Variants in ZNF254 observed in about 807,000 individuals in gnomAD.
ZNF254 encodes the protein zinc finger protein 254, also known as CTD-2017D11.1.
Under a neutral mutation model 12.4 loss-of-function variants are expected in ZNF254, and 10 were observed. The observed-to-expected ratio is 0.80, with a 90% CI of 0.50 to 1.36. ZNF254 has a LOEUF of 1.36. Among genes scored for constraint, ZNF254 ranks in the 40% most tolerant of loss-of-function variants. The pLI is 0.00. For synonymous variants in ZNF254, 305 were observed against 253.4 expected (o/e 1.20, Z -1.93); for missense variants, 996 against 763.9 (o/e 1.30, Z -3.58).
At chr19:24,050,373 C>G (rs941657357) in intron 2 of ZNF254, among the ~76,000 whole-genome samples, 1 of 151,976 alleles carries the variant, frequency 6.6e-6, no homozygotes, top group South Asian at 2.1e-4. Flanking sequence ...TTGGCCAGGC[C>G]GATATCAAAC....
intron 1 of ZNF254, among the ~76,000 whole-genome samples, chr19:24,091,374 AAAC>A (rs1294217071): frequency 6.6e-6 from 1 of 152,226 alleles, no homozygotes; most frequent in African/African-American, 2.4e-5. Flanking sequence ...CATTTCCACA[AAAC>A]AATGTGATAG....
intron 1 of ZNF254, among the ~76,000 whole-genome samples, chr19:24,103,328 T>G (rs1212737607): frequency 1.3e-5 from 2 of 152,160 alleles, no homozygotes; most frequent in Non-Finnish European, 2.9e-5. Context: ...AGAAGACTTG[T>G]TTAGAACACC....
At chr19:24,093,374 A>T (rs747336857) in intron 1 of ZNF254, among the ~76,000 whole-genome samples, 2 of 152,088 alleles carry the variant, frequency 1.3e-5, no homozygotes, top group Non-Finnish European at 2.9e-5. Context: ...GCTAGATTCT[A>T]TGTCTAGAAT....
intron 3 of ZNF254, among the ~76,000 whole-genome samples, chr19:24,113,481 A>G (rs371580737): frequency 2.6e-5 from 4 of 152,198 alleles, no homozygotes; most frequent in African/African-American, 7.2e-5. Flanking sequence ...ACAAAATTCA[A>G]TGACACTTCA....
chr19:24,105,450 T>C (rs1973280619), intron 1 of ZNF254: 1 of 256,918 alleles, frequency 3.9e-6, no homozygotes, highest in Non-Finnish European at 7.3e-6. Context: ...GCATTACTGG[T>C]GAGCTTGGTA....
intron 1 of ZNF254, among the ~76,000 whole-genome samples, chr19:24,102,229 GTTT>G (rs57684067): frequency 1.1e-4 from 13 of 122,960 alleles, no homozygotes; most frequent in Non-Finnish European, 1.0e-4. Context: ...AACAAAATTT[GTTT>G]TTTTTTTTTT....
At chr19:24,061,179 T>A (rs942180363) in intron 2 of ZNF254, among the ~76,000 whole-genome samples, 1 of 151,110 alleles carries the variant, frequency 6.6e-6, no homozygotes, top group Non-Finnish European at 1.5e-5. Context: ...GTGATTCAAC[T>A]CTCTCACATG....
At chr19:24,100,324 G>A (rs965791218) in intron 1 of ZNF254, among the ~76,000 whole-genome samples, 6 of 149,770 alleles carry the variant, frequency 4.0e-5, no homozygotes, top group African/African-American at 1.5e-4. Context: ...AACAACTGCT[G>A]CTACTCCACC....
intron 3 of ZNF254, among the ~76,000 whole-genome samples, chr19:24,121,900 G>T (rs974479446): frequency 6.6e-6 from 1 of 151,880 alleles, no homozygotes; most frequent in African/African-American, 2.4e-5. Context: ...TGTTGTATAG[G>T]TTTGTTGTGA....
chr19:24,086,465 C>T (rs1051251760), upstream of ZNF254, among the ~76,000 whole-genome samples: 1 of 151,794 alleles, frequency 6.6e-6, no homozygotes. Context: ...GCCACCATGC[C>T]CAGCTAATTT....
intron 1 of ZNF254, among the ~76,000 whole-genome samples, chr19:24,097,745 C>A (rs757252557): frequency 1.3e-5 from 2 of 151,252 alleles, no homozygotes; most frequent in Non-Finnish European, 1.5e-5. Flanking sequence ...CATGTCATTG[C>A]ACTCCACCCT....
At position 24,054,937 on chromosome 19, in the gene ZNF254, G is replaced by C. The variant is rs1970782245; in HGVS notation, c.-94+8658G>C. On this transcript the variant is annotated intron_variant, in intron 2 of 4. Coordinates refer to the ZNF254 transcript ENST00000613065. ...TATAGTGTACTAACCAGGCGCAGTGGCTCACGCCTGTAATCCCAGCACTTT... is the reference window on the plus strand; with the variant it reads ...TATAGTGTACTAACCAGGCGCAGTGCCTCACGCCTGTAATCCCAGCACTTT... Among the ~76,000 whole-genome samples, 5 of 151,984 alleles carry C rather than the reference G, an allele frequency of 3.3e-5. No homozygotes were observed. The South Asian group carries it at 8.3e-4, about 25-fold the overall frequency.
chr19:24,123,617 CACAA>C (rs879485755), intron 3 of ZNF254, among the ~76,000 whole-genome samples: 3 of 152,178 alleles, frequency 2.0e-5, no homozygotes, highest in African/African-American at 4.8e-5. Flanking sequence ...TGCGTGCGTG[CACAA>C]ACACATACAC....
chr19:24,059,138 G>C (rs1970975129), intron 2 of ZNF254, among the ~76,000 whole-genome samples: 1 of 152,180 alleles, frequency 6.6e-6, no homozygotes, highest in African/African-American at 2.4e-5. Context: ...CATGGCCCCA[G>C]CGCCAAGGTG....
rs1332068045 is a variant in ZNF254 at position 24,126,432 on chromosome 19, GTGTT to G, written c.434_437del (p.Cys145SerfsTer15). The stretch of plus-strand genomic sequence containing the variant: ...AAGAAGGTTATAATGGACTTAACCA[GTGTT>G]TCACAACTGCCCAGAGCAAAGTATT... On this transcript the variant is annotated frameshift_variant, in exon 4 of 4. Coordinates refer to ENST00000357002, the MANE Select transcript of ZNF254 (RefSeq NM_203282.4). LOFTEE classifies it low-confidence loss of function (END_TRUNC). The G allele has an allele frequency of 3.1e-6, 5 of 1,599,454 alleles. No individual in the cohort carries two copies. The highest frequency in any genetic ancestry group is 4.3e-6 in the Non-Finnish European group (5 of 1,175,826).
rs748680177 is a variant in ZNF254, at chr19:24,126,264, T to TCA, written c.265_266dup (p.Phe90IlefsTer21). The TCA allele has an allele frequency of 3.0e-5, 45 of 1,484,418 alleles. No homozygotes were observed. In the African/African-American group the frequency reaches 5.8e-4, roughly 19 times the overall value. The allele number at this position is 1,484,418 out of a possible 1,614,324, so 92.0% of individuals were successfully genotyped here. ...TTATTTTTTTTTCAGGTATGTGTCCTCATTTTGCTCAAGACCTTTGGCCAG... is the reference window on the plus strand; with the variant it reads ...TTATTTTTTTTTCAGGTATGTGTCCTCACATTTTGCTCAAGACCTTTGGCCAG... On this transcript the variant is annotated frameshift_variant, in exon 4 of 4. Transcript: ENST00000357002. LOFTEE classifies it low-confidence loss of function (END_TRUNC).
At chr19:24,036,268 A>G (rs1383743940) in intron 1 of ZNF254, among the ~76,000 whole-genome samples, 3 of 151,604 alleles carry the variant, frequency 2.0e-5, no homozygotes, top group African/African-American at 7.3e-5. Flanking sequence ...ACGCGGTTTC[A>G]CCGTGGTCTT....
At chr19:24,036,101 G>A (rs73520346) in intron 1 of ZNF254, among the ~76,000 whole-genome samples, 24,282 of 151,960 alleles carry the variant, frequency 0.16, 2,112 homozygotes, top group Middle Eastern at 0.23. Context: ...TCACTCTGTC[G>A]CCCAGGCTGG....
chr19:24,037,498 A>G (rs1003926030), intron 1 of ZNF254, among the ~76,000 whole-genome samples: 1 of 152,220 alleles, frequency 6.6e-6, no homozygotes, highest in East Asian at 1.9e-4. Flanking sequence ...CAGTGGCACA[A>G]TCTCGGCTTA....
Sources: gnomAD v4.1 joint callset for allele counts (sites outside exome capture counted in the v4.1 genomes callset) on GRCh38, gnomAD v4.1.1 for gene constraint, MANE v1.5 for transcripts, NCBI Gene and HGNC (gene_info 2026-07-23, HGNC 2026-07-21) for gene names.